The following CACNA1B variants were observed in gnomAD, a reference collection of about 807,000 sequenced individuals.
CACNA1B encodes the protein voltage-dependent N-type calcium channel subunit alpha-1B.
Under a neutral mutation model 247.2 loss-of-function variants are expected in CACNA1B, and 70 were observed. The ratio of observed to expected loss-of-function variants is 0.28; its 90% CI spans 0.23 to 0.35. The LOEUF is 0.35. Among genes scored for constraint, CACNA1B ranks in the 10% least tolerant of loss-of-function variants. The pLI, the probability that CACNA1B is intolerant of heterozygous loss-of-function variation, is 1.00. For synonymous variants in CACNA1B, 1,231 were observed against 1,294.4 expected, an observed-to-expected ratio of 0.95 and a Z score of 1.05; for missense variants, 2,367 against 3,197.4, an observed-to-expected ratio of 0.74 and a Z score of 6.26.
intron 10 of CACNA1B, among the ~76,000 whole-genome samples, chr9:137,960,057 C>CGGGT (rs1222891780): frequency 7.5e-6 from 1 of 133,086 alleles, no homozygotes; most frequent in East Asian, 2.2e-4. Flanking sequence ...GACGCCGGGG[C>CGGGT]GGGGGAGAGG....
chr9:137,953,281 C>T (rs1957900260), intron 7 of CACNA1B, among the ~76,000 whole-genome samples: 1 of 152,228 alleles, frequency 6.6e-6, no homozygotes, highest in Non-Finnish European at 1.5e-5. Flanking sequence ...CCCACCTTGG[C>T]CTCAGCTCCC....
rs1051290700 is a variant in CACNA1B, at chr9:138,081,534, TG to T, written c.5094+3279del. Among the ~76,000 whole-genome samples the T allele has an allele frequency of 1.2e-4, 18 of 144,322 alleles. 1 individual carries two copies. The highest frequency in any genetic ancestry group is 1.1e-3 in the Admixed American group (16 of 14,812). 94.7% of individuals were successfully genotyped at this position (144,322 alleles called of 152,430 possible). Reference sequence around the variant, plus strand: ...GATGGGTGGCAGGACTTCGTTAGGTTGGGATTTGGTTCCATTAATTGGAATA... The same window carrying T: ...GATGGGTGGCAGGACTTCGTTAGGTTGGATTTGGTTCCATTAATTGGAATA... On this transcript the variant is annotated intron_variant, in intron 36 of 46. Coordinates refer to ENST00000371372, the MANE Select transcript of CACNA1B (RefSeq NM_000718.4).
intron 3 of CACNA1B, among the ~76,000 whole-genome samples, chr9:137,905,502 A>G (rs1056781301): frequency 6.6e-6 from 1 of 152,174 alleles, no homozygotes; most frequent in Non-Finnish European, 1.5e-5. Context: ...TTGTTTATAA[A>G]TTTACTGTAA....
In CACNA1B at chr9:137,880,638, T is replaced by C. The variant is rs1956905175; in HGVS notation, c.390+1479T>C. On this transcript the variant is annotated intron_variant, in intron 2 of 46. Transcript: ENST00000371372. This position sits in a 1 kb window ranked among gnomAD's most constrained non-coding sequence, Gnocchi z 4.8. ...GTGGTCATAGGTTGGGGAGGACACT[T>C]CTAGGAGTGGCGAGCTAACCTGTTG... Among the ~76,000 whole-genome samples the C allele has an allele frequency of 6.6e-6, 1 of 152,126 alleles. No homozygotes were observed. Among genetic ancestry groups the C allele is most frequent in the Admixed American group, 6.5e-5 (1 of 15,286 alleles).
At chr9:137,911,040 A>G (rs770326095) in intron 3 of CACNA1B, among the ~76,000 whole-genome samples, 5 of 152,104 alleles carry the variant, frequency 3.3e-5, no homozygotes, top group Non-Finnish European at 5.9e-5. Context: ...TCTTTGATCC[A>G]TTTTGAGTTA....
At chr9:137,884,841 T>C (rs1330023328) in intron 3 of CACNA1B, among the ~76,000 whole-genome samples, 2 of 151,088 alleles carry the variant, frequency 1.3e-5, no homozygotes, top group Non-Finnish European at 3.0e-5. Context: ...CCAGCACACA[T>C]AGACTGGGTC....
rs532320117 is a variant in CACNA1B, at chr9:138,020,806, G to A, written c.2268-2205G>A. Among the ~76,000 whole-genome samples, 6 of 152,338 alleles carry A rather than the reference G, an allele frequency of 3.9e-5. No individual in the cohort carries two copies. Among genetic ancestry groups the A allele is most frequent in the South Asian group, 2.1e-4 (1 of 4,830 alleles). On this transcript the variant is annotated intron_variant, in intron 18 of 46. Coordinates refer to ENST00000371372, the MANE Select transcript of CACNA1B (RefSeq NM_000718.4). This position sits in a 1 kb window ranked among gnomAD's most constrained non-coding sequence, Gnocchi z 4.1. Reference sequence around the variant, plus strand: ...TCCCTGCTCCAGGTGTTTCCTGGGCGAGAAGGAGCCACACCTGAATGCAAG... The same window carrying A: ...TCCCTGCTCCAGGTGTTTCCTGGGCAAGAAGGAGCCACACCTGAATGCAAG...
chr9:137,903,931 T>C (rs2133262733), intron 3 of CACNA1B, among the ~76,000 whole-genome samples: 1 of 152,336 alleles, frequency 6.6e-6, no homozygotes, highest in Non-Finnish European at 1.5e-5. Flanking sequence ...TCCATCAGGC[T>C]GCTGGTTCTG....
intron 36 of CACNA1B, among the ~76,000 whole-genome samples, chr9:138,084,883 C>T (rs1438448996): frequency 3.4e-5 from 5 of 148,348 alleles, no homozygotes; most frequent in East Asian, 4.2e-4. Context: ...ACCTGGGAGG[C>T]GGAGCTTGTA....
rs536803731 is a variant in CACNA1B at position 137,914,590 on chromosome 9, C to T, written c.623-64C>T. ...AGGTTCCTGCTGTTCTGTCCCTGCC[C>T]CCACCAAATTCCTTGCCCTACCCTG... On this transcript the variant is annotated intron_variant, in intron 4 of 46. Coordinates refer to ENST00000371372, the MANE Select transcript of CACNA1B (RefSeq NM_000718.4). The surrounding 1 kb of genome is among the most constrained non-coding windows in gnomAD (Gnocchi z 4.3). 2 of 1,416,314 alleles carry T rather than the reference C, an allele frequency of 1.4e-6. No individual in the cohort carries two copies. Among genetic ancestry groups the T allele is most frequent in the South Asian group, 1.2e-5 (1 of 80,506 alleles). 87.7% of individuals were successfully genotyped at this position (1,416,314 alleles called of 1,614,324 possible). A position where few individuals can be genotyped will look rare whatever the true frequency, so the allele number is the denominator to read the frequency against.
At chr9:137,946,403 G>C (rs1340552099) in intron 6 of CACNA1B, among the ~76,000 whole-genome samples, 1 of 152,094 alleles carries the variant, frequency 6.6e-6, no homozygotes, top group Admixed American at 6.6e-5. Flanking sequence ...ATTCCTCCTT[G>C]ACAAGCTGCC....
chr9:138,078,328 TCTC>T (rs1960399822), intron 36 of CACNA1B, 70 bp downstream of exon 36: 9 of 1,455,472 alleles, frequency 6.2e-6, no homozygotes, highest in Non-Finnish European at 8.6e-6. Flanking sequence ...TTCTCCCACA[TCTC>T]CTGCTGATCC....
At chr9:137,958,587 T>C (rs1309162514) in intron 10 of CACNA1B, among the ~76,000 whole-genome samples, 1 of 152,216 alleles carries the variant, frequency 6.6e-6, no homozygotes, top group African/African-American at 2.4e-5. Flanking sequence ...GGCCATTTAT[T>C]TCTAGTGCTT....
At position 138,012,300 on chromosome 9, in the gene CACNA1B, G is replaced by C. The variant is rs1298426377; in HGVS notation, c.2161-829G>C. On this transcript the variant is annotated intron_variant, in intron 17 of 46. Coordinates refer to ENST00000371372, the MANE Select transcript of CACNA1B (RefSeq NM_000718.4). The surrounding 1 kb of genome is among the most constrained non-coding windows in gnomAD (Gnocchi z 4.2). ...CTCCTGGTGGCAGTGCTTGTGGGCAGTGCTGGGTCAGGACTTAGCCACAGG... is the reference window on the plus strand; with the variant it reads ...CTCCTGGTGGCAGTGCTTGTGGGCACTGCTGGGTCAGGACTTAGCCACAGG... Among the ~76,000 whole-genome samples, 4 of 152,234 alleles carry C rather than the reference G, an allele frequency of 2.6e-5. No homozygotes were observed. The highest frequency in any genetic ancestry group is 9.6e-5 in the African/African-American group (4 of 41,460).
intron 32 of CACNA1B, among the ~76,000 whole-genome samples, chr9:138,070,544 T>C (rs1960090053): frequency 6.6e-6 from 1 of 152,256 alleles, no homozygotes; most frequent in African/African-American, 2.4e-5. Flanking sequence ...CAACTTTAGC[T>C]GTGACTGTGG....
chr9:138,094,457 A>AAAAAAAAAAAAAAAAAAAAAAAGAAG lies in CACNA1B; in HGVS notation c.5095-2025_5095-2024insAAAAAAAAAAAAAAAAAAAAGAAGAA, dbSNP rs752912258. Among the ~76,000 whole-genome samples the AAAAAAAAAAAAAAAAAAAAAAAGAAG allele has an allele frequency of 4.7e-3, 631 of 133,560 alleles. 5 individuals carry two copies. The highest frequency in any genetic ancestry group is 7.6e-3 in the Non-Finnish European group (462 of 60,708). 87.6% of individuals were successfully genotyped at this position (133,560 alleles called of 152,430 possible). On this transcript the variant is annotated intron_variant, in intron 36 of 46. Transcript: ENST00000371372. ...TTTACTACAGTAAAAAAAAAAAAAA[A>AAAAAAAAAAAAAAAAAAAAAAAGAAG]AAGAAGAAGAAGAAGAAAGTGAACA...
chr9:138,013,831 C>G (rs1958757057), intron 18 of CACNA1B, among the ~76,000 whole-genome samples: 1 of 152,248 alleles, frequency 6.6e-6, no homozygotes, highest in South Asian at 2.1e-4. Flanking sequence ...GTGGGGAGGT[C>G]AGTCCCTGGG....
intron 6 of CACNA1B, among the ~76,000 whole-genome samples, chr9:137,918,421 G>A (rs1416536426): frequency 1.3e-5 from 2 of 152,208 alleles, no homozygotes; most frequent in Non-Finnish European, 2.9e-5. Flanking sequence ...GGAAGGTGGA[G>A]AAGGGTCAGG....
rs1961063110 is a variant in CACNA1B, at chr9:138,096,600, C to A, written c.5211C>A (p.Asp1737Glu). 6.2e-7 allele frequency: 1 copy of A among 1,612,190 alleles called. No individual in the cohort carries two copies. Among genetic ancestry groups the A allele is most frequent in the Non-Finnish European group, 8.5e-7 (1 of 1,179,052 alleles). The change falls in exon 37 of 47, where the codon GAC becomes GAA. Residue 1737 changes from aspartate (D) to glutamate (E), a missense_variant. Coordinates refer to ENST00000371372, the MANE Select transcript of CACNA1B (RefSeq NM_000718.4). ...DEFIRVWAEYDPAACGRISYN... is the reference protein window; with the variant it reads ...DEFIRVWAEYEPAACGRISYN... ...TCATCCGGGTCTGGGCTGAATACGA[C>A]CCGGCTGCGTGGTAAGTGAGCCGTG...
Sources: allele counts gnomAD v4.1 joint callset (sites outside exome capture counted in the v4.1 genomes callset), GRCh38; gene constraint gnomAD v4.1.1; non-coding constraint Gnocchi (gnomAD v3.1); transcripts MANE v1.5; gene names NCBI Gene and HGNC (gene_info 2026-07-23, HGNC 2026-07-21).